TGFBR2: variants seen among roughly 807,000 people sequenced by gnomAD.
TGFBR2 encodes TGF-beta receptor type-2.
A neutral mutation model predicts 49.0 loss-of-function variants in TGFBR2; 18 were observed. The ratio of observed to expected loss-of-function variants is 0.37; its 90% CI spans 0.25 to 0.54. The LOEUF (loss-of-function observed/expected upper bound fraction) is 0.54, where lower values mean the gene tolerates loss of function less well. Ranked by LOEUF, TGFBR2 falls within the 20% of genes least tolerant of loss-of-function variation. The pLI, the probability that TGFBR2 is intolerant of heterozygous loss-of-function variation, is 0.85. For synonymous variants in TGFBR2, 282 were observed against 275.9 expected, an observed-to-expected ratio of 1.02 and a Z score of -0.22; for missense variants, 525 against 722.6, an observed-to-expected ratio of 0.73 and a Z score of 3.13.
At chr3:30,617,443 A>G (rs1010275433) in intron 1 of TGFBR2, among the ~76,000 whole-genome samples, 2 of 152,222 alleles carry the variant, frequency 1.3e-5, no homozygotes, top group African/African-American at 2.4e-5. Context: ...AAATCTAATA[A>G]TAACATTTTA....
intron 1 of TGFBR2, chr3:30,623,104 G>A: frequency 8.2e-6 from 6 of 733,024 alleles, no homozygotes; most frequent in Non-Finnish European, 1.5e-5. Context: ...CACAGTAATA[G>A]AAAGCTTCAT....
intron 1 of TGFBR2, among the ~76,000 whole-genome samples, chr3:30,644,428 A>T (rs917731879): frequency 6.6e-6 from 1 of 152,086 alleles, no homozygotes; most frequent in African/African-American, 2.4e-5. Flanking sequence ...ACTCCGTACT[A>T]TGCAGTGGGC....
In TGFBR2 at chr3:30,693,920, C is replaced by T. The variant is rs1699754056; in HGVS notation, c.*2321C>T. On this transcript the variant is annotated 3_prime_UTR_variant, in exon 7 of 7. Coordinates refer to ENST00000295754, the MANE Select transcript of TGFBR2 (RefSeq NM_003242.6). ...AATACTGACTTTTTTCACTACTATA[C>T]ATAAAGGGAAAGTTTTATTCTTTTA... 4.4e-6 allele frequency: 1 copy of T among 227,566 alleles called. No individual in the cohort carries two copies. The highest frequency in any genetic ancestry group is 8.7e-6 in the Non-Finnish European group (1 of 114,418). The allele number at this position is 227,566 out of a possible 1,614,324, so 14.1% of individuals were successfully genotyped here.
chr3:30,618,671 G>A (rs902367775), intron 1 of TGFBR2, among the ~76,000 whole-genome samples: 1 of 152,136 alleles, frequency 6.6e-6, no homozygotes, highest in African/African-American at 2.4e-5. Flanking sequence ...TCTTAAAATA[G>A]GTAGCACTCT....
At chr3:30,670,802 C>T (rs755191041) in intron 3 of TGFBR2, among the ~76,000 whole-genome samples, 3 of 152,228 alleles carry the variant, frequency 2.0e-5, no homozygotes, top group Non-Finnish European at 4.4e-5. Flanking sequence ...CCTTTGCGGC[C>T]ATGTTTCCAT....
chr3:30,639,805 T>C (rs1462474093), intron 1 of TGFBR2, among the ~76,000 whole-genome samples: 1 of 152,214 alleles, frequency 6.6e-6, no homozygotes, highest in East Asian at 1.9e-4. Flanking sequence ...AATTCAATGA[T>C]ACACGAATGC....
intron 3 of TGFBR2, among the ~76,000 whole-genome samples, chr3:30,660,921 C>A (rs1394514722): frequency 1.3e-5 from 2 of 152,122 alleles, no homozygotes; most frequent in African/African-American, 4.8e-5. Context: ...GTGAGAAACT[C>A]AGGTGGGAAG....
At chr3:30,655,880 A>G (rs939463307) in intron 3 of TGFBR2, among the ~76,000 whole-genome samples, 1 of 152,234 alleles carries the variant, frequency 6.6e-6, no homozygotes, top group Admixed American at 6.5e-5. Flanking sequence ...TCTGAACGGT[A>G]TAAACCGTTG....
chr3:30,652,643 A>T (rs1463513), intron 3 of TGFBR2, among the ~76,000 whole-genome samples: 138,291 of 152,216 alleles, frequency 0.91, 63,004 homozygotes, highest in East Asian at 0.99. Flanking sequence ...CTTCAAGTAG[A>T]TCACCTTTTA....
At chr3:30,673,509 G>A (rs1481516877) in intron 4 of TGFBR2, among the ~76,000 whole-genome samples, 1 of 152,078 alleles carries the variant, frequency 6.6e-6, no homozygotes, top group Non-Finnish European at 1.5e-5. Flanking sequence ...AAACTACATG[G>A]CCCACAAGTT....
At chr3:30,616,886 A>G (rs1171229501) in intron 1 of TGFBR2, among the ~76,000 whole-genome samples, 3 of 152,046 alleles carry the variant, frequency 2.0e-5, no homozygotes, top group African/African-American at 4.8e-5. Flanking sequence ...GCTAGAGCTC[A>G]CTCCTTCCTA....
intron 2 of TGFBR2, among the ~76,000 whole-genome samples, chr3:30,649,859 T>C (rs1466356613): frequency 6.6e-6 from 1 of 152,016 alleles, no homozygotes; most frequent in Non-Finnish European, 1.5e-5. Context: ...AAACTAGGGG[T>C]GTGATGTGAG....
chr3:30,621,297 T>TTTTTG (rs1698226284), intron 1 of TGFBR2, among the ~76,000 whole-genome samples: 1 of 150,136 alleles, frequency 6.7e-6, no homozygotes, highest in Non-Finnish European at 1.5e-5. Context: ...TTTTTTTTTT[T>TTTTTG]GAGACAGAGT....
rs1417973672 is a variant in TGFBR2, at chr3:30,691,759, G to A, written c.*160G>A. The A allele has an allele frequency of 5.3e-6, 4 of 752,256 alleles. No homozygotes were observed. Among genetic ancestry groups the A allele is most frequent in the African/African-American group, 1.7e-5 (1 of 57,484 alleles). The allele number at this position is 752,256 out of a possible 1,614,324, so 46.6% of individuals were successfully genotyped here. A position where few individuals can be genotyped will look rare whatever the true frequency, so the allele number is the denominator to read the frequency against. On this transcript the variant is annotated 3_prime_UTR_variant, in exon 7 of 7. Transcript: ENST00000295754. Reference sequence around the variant, plus strand: ...GGATAAGCAGAAACAACAGCAGCAGGGAGTGGGTGACATAGAGCATTCTAT... The same window carrying A: ...GGATAAGCAGAAACAACAGCAGCAGAGAGTGGGTGACATAGAGCATTCTAT...
At chr3:30,630,806 A>C (rs919951732) in intron 1 of TGFBR2, among the ~76,000 whole-genome samples, 1 of 152,262 alleles carries the variant, frequency 6.6e-6, no homozygotes, top group Admixed American at 6.5e-5. Flanking sequence ...ATGACACAGT[A>C]CTGGTCCTCT....
At chr3:30,677,480 T>C (rs1438281281) in intron 5 of TGFBR2, among the ~76,000 whole-genome samples, 1 of 152,218 alleles carries the variant, frequency 6.6e-6, no homozygotes, top group African/African-American at 2.4e-5. Context: ...TTATCCATCC[T>C]CACGTTCGTC....
intron 3 of TGFBR2, among the ~76,000 whole-genome samples, chr3:30,670,560 A>G (rs933299378): frequency 6.6e-6 from 1 of 152,236 alleles, no homozygotes; most frequent in African/African-American, 2.4e-5. Flanking sequence ...CCAGTGAACT[A>G]GAGCTGCCTT....
At chr3:30,645,616 G>T (rs942137219) in intron 2 of TGFBR2, among the ~76,000 whole-genome samples, 1 of 151,300 alleles carries the variant, frequency 6.6e-6, no homozygotes, top group Admixed American at 6.6e-5. Flanking sequence ...CTTTCGAGTA[G>T]CTGGGATTAC....
intron 5 of TGFBR2, among the ~76,000 whole-genome samples, chr3:30,681,028 C>T (rs1403251437): frequency 6.6e-6 from 1 of 152,098 alleles, no homozygotes; most frequent in African/African-American, 2.4e-5. Context: ...CTGACTTCCA[C>T]ATCCCTAGCA....
Sources: gnomAD v4.1 joint callset for allele counts (sites outside exome capture counted in the v4.1 genomes callset) on GRCh38, gnomAD v4.1.1 for gene constraint, MANE v1.5 for transcripts, NCBI Gene and HGNC (gene_info 2026-07-23, HGNC 2026-07-21) for gene names.